GNG7: variants seen among roughly 807,000 people sequenced by gnomAD.
GNG7 encodes guanine nucleotide-binding protein G(I)/G(S)/G(O) subunit gamma-7.
A neutral mutation model predicts 4.0 loss-of-function variants in GNG7; 1 was observed. The ratio of observed to expected loss-of-function variants is 0.25; its 90% confidence interval spans 0.09 to 1.18. GNG7 has a LOEUF of 1.18. GNG7 is among the 50% of genes most tolerant of loss of function. The pLI, the probability that GNG7 is intolerant of heterozygous loss-of-function variation, is 0.50. For missense variants in GNG7, 86 were observed against 91.9 expected (o/e 0.94, Z 0.26); for synonymous variants, 34 against 36.9 (o/e 0.92, Z 0.29).
chr19:2,571,285 G>A (rs545283678), intron 2 of GNG7, among the ~76,000 whole-genome samples: 7 of 152,232 alleles, frequency 4.6e-5, no homozygotes, highest in South Asian at 2.1e-4. Context: ...AAAATGTGGC[G>A]GCATTGTCGG....
intron 2 of GNG7, among the ~76,000 whole-genome samples, chr19:2,616,722 G>A (rs756985966): frequency 6.6e-6 from 1 of 151,982 alleles, no homozygotes; most frequent in Non-Finnish European, 1.5e-5. Context: ...GCAGGTTGCA[G>A]TGAGCCGAGA....
chr19:2,539,717 C>T (rs1441306302), intron 3 of GNG7, among the ~76,000 whole-genome samples: 1 of 152,118 alleles, frequency 6.6e-6, no homozygotes, highest in Non-Finnish European at 1.5e-5. Flanking sequence ...TGTCGTCCCT[C>T]CCCCAGCTGC....
At chr19:2,629,735 C>T (rs551096675) in intron 2 of GNG7, among the ~76,000 whole-genome samples, 106 of 152,290 alleles carry the variant, frequency 7.0e-4, no homozygotes, top group African/African-American at 2.3e-3. Flanking sequence ...GGTTGTACTC[C>T]CGCCTCCCTC....
intron 2 of GNG7, among the ~76,000 whole-genome samples, chr19:2,574,681 A>C (rs1341035716): frequency 1.3e-5 from 2 of 152,082 alleles, no homozygotes; most frequent in Non-Finnish European, 2.9e-5. Flanking sequence ...GCCGCTGTGC[A>C]CTTGTGTGTG....
At chr19:2,608,497 C>T (rs1186004357) in intron 2 of GNG7, among the ~76,000 whole-genome samples, 3 of 152,162 alleles carry the variant, frequency 2.0e-5, no homozygotes, top group Admixed American at 6.5e-5. Context: ...AATCCAGGGA[C>T]GGGCAGCAGG....
At chr19:2,539,429 C>A (rs184875875) in intron 3 of GNG7, among the ~76,000 whole-genome samples, 317 of 151,950 alleles carry the variant, frequency 2.1e-3, no homozygotes, top group African/African-American at 7.4e-3. Context: ...CTCAGCCTCC[C>A]GAGCAGCTGG....
intron 3 of GNG7, among the ~76,000 whole-genome samples, chr19:2,553,573 CAT>C (rs1292698366): frequency 2.3e-4 from 35 of 149,084 alleles, no homozygotes; most frequent in Admixed American, 1.6e-3. Flanking sequence ...TGTAATAAAT[CAT>C]ATCACATACA....
intron 2 of GNG7, chr19:2,632,821 C>T (rs573030356): frequency 2.6e-5 from 4 of 152,278 alleles, no homozygotes; most frequent in South Asian, 2.1e-4. Context: ...GATCCATGTC[C>T]GATAAAAATA....
chr19:2,589,525 G>T (rs1251917245), intron 2 of GNG7, among the ~76,000 whole-genome samples: 3 of 151,572 alleles, frequency 2.0e-5, no homozygotes, highest in Admixed American at 2.0e-4. Context: ...TGGCCTCCCA[G>T]ATGTCATTTC....
chr19:2,592,798 G>GAGAA (rs142584590), intron 2 of GNG7, among the ~76,000 whole-genome samples: 7 of 95,586 alleles, frequency 7.3e-5, no homozygotes, highest in African/African-American at 1.8e-4. Flanking sequence ...GGAGGGAAGA[G>GAGAA]AGAAAGAAAG....
At chr19:2,568,837 CAT>C (rs1220726145) in intron 2 of GNG7, among the ~76,000 whole-genome samples, 3 of 152,018 alleles carry the variant, frequency 2.0e-5, no homozygotes, top group East Asian at 3.9e-4. Flanking sequence ...AATATATACA[CAT>C]ATGCAAATAC....
At chr19:2,645,600 C>T (rs988464290) in intron 2 of GNG7, among the ~76,000 whole-genome samples, 20 of 152,196 alleles carry the variant, frequency 1.3e-4, no homozygotes, top group Admixed American at 1.0e-3. Flanking sequence ...CACCAGGTTG[C>T]GGTCACCCCG....
rs1568249788 is a variant in GNG7 at position 2,575,554 on chromosome 19, GACACAC to G, written c.-77-20372_-77-20367del. Among the ~76,000 whole-genome samples the G allele has an allele frequency of 6.6e-4, 64 of 96,490 alleles. 1 individual carries two copies. The highest frequency in any genetic ancestry group is 2.7e-3 in the African/African-American group (58 of 21,526). The allele number at this position is 96,490 out of a possible 152,430, so 63.3% of individuals were successfully genotyped here. A position where few individuals can be genotyped will look rare whatever the true frequency, so the allele number is the denominator to read the frequency against. On this transcript the variant is annotated intron_variant, in intron 2 of 4. Coordinates refer to ENST00000382159, the MANE Select transcript of GNG7 (RefSeq NM_052847.3). ...ACACGCAGACAGGCAGGCACACGCAGACACACGCAGGCACACGCAGACACGCAGGCA... is the reference window on the plus strand; with the variant it reads ...ACACGCAGACAGGCAGGCACACGCAGGCAGGCACACGCAGACACGCAGGCA...
chr19:2,663,970 G>A (rs1983241612), intron 1 of GNG7, among the ~76,000 whole-genome samples: 1 of 152,166 alleles, frequency 6.6e-6, no homozygotes, highest in African/African-American at 2.4e-5. Context: ...ACCCACAAAT[G>A]TCCCCAGACA....
intron 3 of GNG7, among the ~76,000 whole-genome samples, chr19:2,529,498 G>A (rs1024905040): frequency 6.6e-5 from 10 of 151,858 alleles, no homozygotes; most frequent in African/African-American, 2.2e-4. Context: ...GATGACAGGC[G>A]TGAGCCACCA....
chr19:2,558,860 G>A (rs562614543), intron 2 of GNG7, among the ~76,000 whole-genome samples: 3 of 150,818 alleles, frequency 2.0e-5, no homozygotes, highest in African/African-American at 4.9e-5. Flanking sequence ...GTGCAATGGC[G>A]CGATCTCTGC....
intron 1 of GNG7, among the ~76,000 whole-genome samples, chr19:2,663,307 T>C (rs1042746704): frequency 6.6e-6 from 1 of 151,814 alleles, no homozygotes; most frequent in African/African-American, 2.4e-5. Flanking sequence ...ATTAATGCCA[T>C]CTCTCTTTCT....
At chr19:2,592,634 C>T (rs1599409879) in intron 2 of GNG7, among the ~76,000 whole-genome samples, 1 of 151,036 alleles carries the variant, frequency 6.6e-6, no homozygotes, top group East Asian at 1.9e-4. Context: ...CTACTCAGGA[C>T]GTTGAGGCAG....
intron 3 of GNG7, among the ~76,000 whole-genome samples, chr19:2,522,687 G>A (rs562079538): frequency 2.8e-4 from 39 of 141,042 alleles, no homozygotes; most frequent in African/African-American, 9.1e-4. Flanking sequence ...GGAAGGCGGA[G>A]CTTGCAGTGA....
Sources: allele counts gnomAD v4.1 joint callset (sites outside exome capture counted in the v4.1 genomes callset), GRCh38; gene constraint gnomAD v4.1.1; transcripts MANE v1.5; gene names NCBI Gene and HGNC (gene_info 2026-07-23, HGNC 2026-07-21).